The following COG4 variants were observed in gnomAD, a reference collection of about 807,000 sequenced individuals.
The protein encoded by COG4 is conserved oligomeric Golgi complex subunit 4.
In COG4, 65 loss-of-function variants were observed where a neutral mutation model predicts 95.1. The observed-to-expected ratio is 0.68, with a 90% CI of 0.56 to 0.84. The LOEUF (loss-of-function observed/expected upper bound fraction) is 0.84. Among genes scored for constraint, COG4 ranks in the 40% least tolerant of loss-of-function variants. The pLI, the probability that COG4 is intolerant of heterozygous loss-of-function variation, is 0.00. For synonymous variants in COG4, 421 were observed against 374.8 expected (o/e 1.12, Z -1.42); for missense variants, 1,045 against 989.1 (o/e 1.06, Z -0.76).
intron 8 of COG4, among the ~76,000 whole-genome samples, chr16:70,505,654 C>A (rs1173640142): frequency 6.7e-6 from 1 of 150,226 alleles, no homozygotes; most frequent in Admixed American, 6.6e-5. Flanking sequence ...ACGGTGAAAC[C>A]CCGTCTCTAC....
At chr16:70,485,957 T>G (rs1052603397) in intron 13 of COG4, among the ~76,000 whole-genome samples, 1 of 150,376 alleles carries the variant, frequency 6.6e-6, no homozygotes, top group African/African-American at 2.5e-5. Flanking sequence ...GTGCAGTGGC[T>G]TGATCTCGGT....
intron 3 of COG4, chr16:70,516,189 T>C: frequency 8.0e-6 from 3 of 376,998 alleles, no homozygotes; most frequent in South Asian, 6.1e-5. Flanking sequence ...TTTTAATTGA[T>C]TTTCAGATGT....
In COG4 at chr16:70,497,132, C is replaced by G; in HGVS notation, c.1481+89G>C. Reference sequence around the variant, plus strand: ...GTCCTGTATAGAACTTAACTAGAATCATGAGGACAAAGGGCAGAAACAAAT... The same window carrying G: ...GTCCTGTATAGAACTTAACTAGAATGATGAGGACAAAGGGCAGAAACAAAT... On this transcript the variant is annotated intron_variant, in intron 11 of 18. Transcript: ENST00000323786. The G allele has an allele frequency of 2.4e-6, 3 of 1,266,406 alleles. No homozygotes were observed. In the South Asian group the frequency reaches 3.6e-5, roughly 15 times the overall value. The allele number at this position is 1,266,406 out of a possible 1,614,324, so 78.4% of individuals were successfully genotyped here. A position where few individuals can be genotyped will look rare whatever the true frequency, so the allele number is the denominator to read the frequency against.
At position 70,481,826 on chromosome 16, in the gene COG4, G is replaced by GC; in HGVS notation, c.2043_2044insG (p.Leu682AlafsTer4). 1 of 1,614,072 alleles carries GC rather than the reference G, an allele frequency of 6.2e-7. No individual in the cohort carries two copies. The highest frequency in any genetic ancestry group is 8.5e-7 in the Non-Finnish European group (1 of 1,180,018). On this transcript the variant is annotated frameshift_variant, in exon 17 of 19. Transcript: ENST00000323786. LOFTEE classifies it high-confidence loss of function. ...TCGACGGCAACAAGGCTAGTCATGA[G>GC]GCCGGTTAGGCTGTCGTAGATGACC...
chr16:70,523,189 G>A, intron 1 of COG4, 184 bp downstream of exon 1: 1 of 664,402 alleles, frequency 1.5e-6, no homozygotes. Flanking sequence ...GACAAGCTCG[G>A]CGCGTCCGAC....
Position 70,504,514 on chromosome 16 carries a change from C to T in COG4, c.1062-3423G>A, listed in dbSNP as rs151161436. Among the ~76,000 whole-genome samples, 498 of 150,430 alleles carry T rather than the reference C, an allele frequency of 3.3e-3. 1 individual carries two copies. The highest frequency in any genetic ancestry group is 0.012 in the African/African-American group (479 of 40,592). On this transcript the variant is annotated intron_variant, in intron 8 of 18. Transcript: ENST00000323786. ...CTCAGCTACTCAGGAGGCAGAGGCA[C>T]GAGAACTGCTTGATCCTGGGAGGCG... is the stretch of plus-strand genomic sequence containing the variant.
chr16:70,523,288 G>C (rs2049993100), intron 1 of COG4, 85 bp downstream of exon 1: 1 of 1,521,384 alleles, frequency 6.6e-7, no homozygotes, highest in South Asian at 1.1e-5. Flanking sequence ...CCAGCAAGGA[G>C]AGTTTCCCAC....
intron 9 of COG4, among the ~76,000 whole-genome samples, chr16:70,499,059 TAAAC>T (rs1419804592): frequency 6.6e-6 from 1 of 151,994 alleles, no homozygotes; most frequent in Non-Finnish European, 1.5e-5. Context: ...CTACAAAAAA[TAAAC>T]AAACAACAAG....
intron 13 of COG4, among the ~76,000 whole-genome samples, chr16:70,488,387 A>G (rs2151743628): frequency 6.6e-6 from 1 of 152,238 alleles, no homozygotes; most frequent in African/African-American, 2.4e-5. Context: ...TTGGCCTCCC[A>G]AAGTGCTGGG....
At chr16:70,513,644 A>C (rs2049758139) in intron 4 of COG4, among the ~76,000 whole-genome samples, 1 of 152,200 alleles carries the variant, frequency 6.6e-6, no homozygotes, top group African/African-American at 2.4e-5. Flanking sequence ...AAAATATCTT[A>C]CTGTACTGTA....
At chr16:70,481,608 T>G in intron 17 of COG4, 121 bp from the exon 18 acceptor site, 1 of 1,496,196 alleles carries the variant, frequency 6.7e-7, no homozygotes, top group Non-Finnish European at 9.2e-7. Context: ...GTGGTTTGTT[T>G]GCTCTACGGC....
At chr16:70,487,263 G>A (rs903723585) in intron 13 of COG4, among the ~76,000 whole-genome samples, 1 of 149,424 alleles carries the variant, frequency 6.7e-6, no homozygotes, top group Non-Finnish European at 1.5e-5. Context: ...GCAACAGAGT[G>A]AGAATCGGTC....
intron 13 of COG4, among the ~76,000 whole-genome samples, chr16:70,484,380 T>A (rs956621537): frequency 6.6e-6 from 1 of 152,232 alleles, no homozygotes; most frequent in Non-Finnish European, 1.5e-5. Context: ...CCTAGCTCAA[T>A]GCCTGGCACA....
Position 70,494,209 on chromosome 16 carries a change from A to C in COG4, c.1647+2057T>G, listed in dbSNP as rs942909040. ...TGACAGCTGAAGGATGAAGGCCATA[A>C]GTGTTTCCAAGGCATTTAAGAGCAC... On this transcript the variant is annotated intron_variant, in intron 12 of 18. Coordinates refer to ENST00000323786, the MANE Select transcript of COG4 (RefSeq NM_015386.3). Among the ~76,000 whole-genome samples the C allele has an allele frequency of 3.9e-5, 6 of 152,204 alleles. No individual in the cohort carries two copies. In the East Asian group the frequency reaches 1.2e-3, roughly 29 times the overall value.
chr16:70,522,935 G>C (rs1022897875), intron 1 of COG4, among the ~76,000 whole-genome samples: 2 of 152,152 alleles, frequency 1.3e-5, no homozygotes, highest in African/African-American at 2.4e-5. Context: ...CCCACAAGAG[G>C]AAGTCTTAAA....
At chr16:70,485,587 GT>G (rs764600650) in intron 13 of COG4, among the ~76,000 whole-genome samples, 13,448 of 123,988 alleles carry the variant, frequency 0.11, 1,754 homozygotes, top group African/African-American at 0.38. Context: ...TGTTTTTTTT[GT>G]TTTTTTTTTT....
chr16:70,514,229 A>T, intron 4 of COG4, 106 bp downstream of exon 4: 2 of 1,129,362 alleles, frequency 1.8e-6, no homozygotes, highest in Non-Finnish European at 2.6e-6. Context: ...GAAAAAGAAA[A>T]AAGAAAACTT....
chr16:70,481,695 G>C (rs879042342), intron 17 of COG4, 69 bp downstream of exon 17: 19 of 1,426,720 alleles, frequency 1.3e-5, no homozygotes, highest in African/African-American at 2.8e-5. Flanking sequence ...AAGTCCTGGG[G>C]GTGGTGGCAT....
chr16:70,506,618 C>CAAAAA lies in COG4; in HGVS notation c.1061+1783_1061+1787dup, dbSNP rs1212409898. ...CAAAAAAAAAAAAAAAAAAAAAAAA[C>CAAAAA]AAAAAAAAAAACATTTAGCTGGGAG... On this transcript the variant is annotated intron_variant, in intron 8 of 18. Transcript: ENST00000323786. Among the ~76,000 whole-genome samples the CAAAAA allele has an allele frequency of 2.2e-4, 13 of 59,910 alleles. 1 individual carries two copies. Among genetic ancestry groups the CAAAAA allele is most frequent in the East Asian group, 1.3e-3 (2 of 1,516 alleles). 39.3% of individuals were successfully genotyped at this position (59,910 alleles called of 152,430 possible). A position where few individuals can be genotyped will look rare whatever the true frequency, so the allele number is the denominator to read the frequency against.
Sources: allele counts gnomAD v4.1 joint callset (sites outside exome capture counted in the v4.1 genomes callset), GRCh38; gene constraint gnomAD v4.1.1; transcripts MANE v1.5; gene names NCBI Gene and HGNC (gene_info 2026-07-23, HGNC 2026-07-21).